The following REPS2 variants were observed in gnomAD, a reference collection of about 807,000 sequenced individuals.
REPS2 encodes ralBP1-associated Eps domain-containing protein 2.
Under a neutral mutation model 53.6 loss-of-function variants are expected in REPS2, and 23 were observed. The observed-to-expected ratio is 0.43, with a 90% CI of 0.31 to 0.61. The LOEUF is 0.61. Among genes scored for constraint, REPS2 ranks in the 20% least tolerant of loss-of-function variants. The pLI is 0.11. For synonymous variants in REPS2, 238 were observed against 218.6 expected, an observed-to-expected ratio of 1.09 and a Z score of -0.78; for missense variants, 446 against 534.9, an observed-to-expected ratio of 0.83 and a Z score of 1.64.
At chrX:17,115,288 T>C (rs1231852434) in intron 14 of REPS2, among the ~76,000 whole-genome samples, 1 of 112,328 alleles carries the variant, frequency 8.9e-6, no homozygotes, top group Non-Finnish European at 1.9e-5. Flanking sequence ...GGTCTCTGCA[T>C]CATAGACAAG....
intron 17 of REPS2, among the ~76,000 whole-genome samples, chrX:17,140,697 CTTA>C (rs2063430906): frequency 9.3e-6 from 1 of 107,911 alleles, no homozygotes; most frequent in Middle Eastern, 4.3e-3. Context: ...ACAGTTTTTT[CTTA>C]TGATGTAAAA....
chrX:17,140,650 A>G (rs1274880184), intron 17 of REPS2, among the ~76,000 whole-genome samples: 1 of 110,585 alleles, frequency 9.0e-6, no homozygotes, highest in African/African-American at 3.3e-5. Flanking sequence ...TGAATATTTT[A>G]GCATGCGTAT....
intron 1 of REPS2, among the ~76,000 whole-genome samples, chrX:16,970,193 C>T (rs1332037778): frequency 9.2e-6 from 1 of 109,225 alleles, no homozygotes; most frequent in East Asian, 2.8e-4. Context: ...CTGTTGTTTT[C>T]CCACTTTTTT....
chrX:17,084,923 G>T (rs950928851), intron 13 of REPS2, among the ~76,000 whole-genome samples: 3 of 111,861 alleles, frequency 2.7e-5, no homozygotes, highest in Non-Finnish European at 5.6e-5. Context: ...TGTTGCTTGT[G>T]CTTTTGCTGT....
At chrX:16,986,577 A>G (rs1199713735) in intron 1 of REPS2, among the ~76,000 whole-genome samples, 1 of 111,399 alleles carries the variant, frequency 9.0e-6, no homozygotes, top group East Asian at 2.8e-4. Flanking sequence ...TGGGGGAGCA[A>G]TTGTAAATGA....
the REPS2 span, among the ~76,000 whole-genome samples, chrX:17,172,832 G>A: frequency 7.2e-5 from 8 of 110,584 alleles, no homozygotes; most frequent in African/African-American, 2.0e-4. Flanking sequence ...GTTAACACTT[G>A]AATATTTTAT....
the REPS2 span, among the ~76,000 whole-genome samples, chrX:17,175,101 G>A: frequency 8.9e-6 from 1 of 112,990 alleles, no homozygotes; most frequent in Non-Finnish European, 1.9e-5. Context: ...GCATGACAGA[G>A]AAGGCCAGCA....
At chrX:17,056,078 G>A (rs1380884797) in intron 8 of REPS2, among the ~76,000 whole-genome samples, 1 of 111,992 alleles carries the variant, frequency 8.9e-6, no homozygotes, top group East Asian at 2.8e-4. Flanking sequence ...ACTTTGGGGA[G>A]TCCTTGGTAT....
chrX:16,949,370 T>C (rs1056754683), intron 1 of REPS2, among the ~76,000 whole-genome samples: 1 of 112,166 alleles, frequency 8.9e-6, no homozygotes, highest in African/African-American at 3.2e-5. Context: ...AATCTTGCAT[T>C]CTTACCACAA....
intron 2 of REPS2, among the ~76,000 whole-genome samples, chrX:17,016,292 C>A (rs2061491645): frequency 8.9e-6 from 1 of 112,661 alleles, no homozygotes; most frequent in Non-Finnish European, 1.9e-5. Flanking sequence ...TTGGTCACAA[C>A]TACTCAACCC....
chrX:17,184,331 A>C, the REPS2 span, among the ~76,000 whole-genome samples: 9 of 106,715 alleles, frequency 8.4e-5, no homozygotes, highest in African/African-American at 2.4e-4. Context: ...TTCCAGTTTC[A>C]TCCATGTCCC....
At chrX:17,006,152 CATGT>C in intron 1 of REPS2, 65 bp from the exon 2 acceptor site, 1 of 1,148,263 alleles carries the variant, frequency 8.7e-7, no homozygotes, top group Non-Finnish European at 1.2e-6. Context: ...GATATTTCAT[CATGT>C]ACCTTGTCTC....
intron 1 of REPS2, among the ~76,000 whole-genome samples, chrX:16,950,264 AATTT>A (rs1332208627): frequency 5.4e-5 from 6 of 111,617 alleles, no homozygotes; most frequent in Admixed American, 1.9e-4. Flanking sequence ...CATGTACTAC[AATTT>A]ATTTATTCAC....
intron 1 of REPS2, among the ~76,000 whole-genome samples, chrX:16,954,974 G>T (rs1323806464): frequency 1.8e-5 from 2 of 108,472 alleles, no homozygotes; most frequent in Non-Finnish European, 3.8e-5. Context: ...ACCATGCCTG[G>T]CTAATTTTTA....
Position 17,068,402 on chromosome X carries a change from A to G in REPS2, c.1210A>G (p.Lys404Glu). The G allele has an allele frequency of 1.7e-6, 2 of 1,195,667 alleles. No individual in the cohort carries two copies. The highest frequency in any genetic ancestry group is 3.0e-5 in the East Asian group (1 of 33,762). Residue 404 changes from lysine (K) to glutamate (E), a missense_variant and splice_region_variant, in exon 10 of 18, where the codon AAG becomes GAG. Physicochemically the swap from Lys to Glu is moderately conservative, Grantham distance 56. Coordinates refer to ENST00000357277, the MANE Select transcript of REPS2 (RefSeq NM_004726.3). ...ATTCATTTACTTTTCTTTTTCAAAG[A>G]AGACATCTGTTAAAGACATGGCTGA... ...QQPRDLNRME[K>E]TSVKDMADLP...
chrX:16,950,138 A>G (rs1346268411), intron 1 of REPS2, among the ~76,000 whole-genome samples: 3 of 109,351 alleles, frequency 2.7e-5, no homozygotes, highest in South Asian at 7.7e-4. Context: ...CATACAGTAT[A>G]TAGGCTTTTC....
chrX:17,093,201 A>ATATATATATATATATAT (rs2062647822), intron 13 of REPS2, among the ~76,000 whole-genome samples: 1 of 22,514 alleles, frequency 4.4e-5, no homozygotes, highest in East Asian at 4.3e-3. Context: ...TATATATATA[A>ATATATATATATATATAT]TTTTTTTTTT....
intron 15 of REPS2, 99 bp downstream of exon 15, chrX:17,134,006 C>T: frequency 1.6e-6 from 1 of 624,210 alleles, no homozygotes; most frequent in East Asian, 3.3e-5. Context: ...TTTCTGTGTC[C>T]TGAAATGAAT....
At chrX:17,084,638 A>G (rs757235027) in intron 13 of REPS2, among the ~76,000 whole-genome samples, 13 of 112,267 alleles carry the variant, frequency 1.2e-4, no homozygotes, top group Admixed American at 2.8e-4. Context: ...TGCATTTTCT[A>G]ATGGCTAATG....
Sources: gnomAD v4.1 joint callset for allele counts (sites outside exome capture counted in the v4.1 genomes callset) on GRCh38, gnomAD v4.1.1 for gene constraint, MANE v1.5 for transcripts, NCBI Gene and HGNC (gene_info 2026-07-23, HGNC 2026-07-21) for gene names.